Variants in HACD2 observed in about 807,000 individuals in gnomAD.
The protein encoded by HACD2 is very-long-chain (3R)-3-hydroxyacyl-CoA dehydratase 2.
In HACD2, 15 loss-of-function variants were observed where a neutral mutation model predicts 31.0. The observed-to-expected ratio is 0.48, with a 90% CI of 0.32 to 0.75. The LOEUF is 0.75. Ranked by LOEUF, HACD2 falls within the 30% of genes least tolerant of loss-of-function variation. HACD2 has a pLI of 0.03. For missense variants in HACD2, 283 were observed against 313.0 expected, an observed-to-expected ratio of 0.90 and a Z score of 0.72; for synonymous variants, 115 against 122.2, an observed-to-expected ratio of 0.94 and a Z score of 0.39.
intron 3 of HACD2, among the ~76,000 whole-genome samples, chr3:123,541,184 T>A (rs1475261641): frequency 6.6e-6 from 1 of 152,082 alleles, no homozygotes; most frequent in East Asian, 1.9e-4. Context: ...GGCAGGAGAA[T>A]TGCTTGAGCC....
At chr3:123,574,475 T>C (rs796856051) in intron 2 of HACD2, among the ~76,000 whole-genome samples, 6 of 152,356 alleles carry the variant, frequency 3.9e-5, no homozygotes, top group African/African-American at 1.4e-4. Context: ...ATTTTTACTA[T>C]ACTCTATTAT....
At chr3:123,527,785 G>T (rs753191931) in intron 4 of HACD2, among the ~76,000 whole-genome samples, 1 of 152,224 alleles carries the variant, frequency 6.6e-6, no homozygotes, top group South Asian at 2.1e-4. Flanking sequence ...TGCGGCCACA[G>T]GGCATGATAA....
intron 3 of HACD2, among the ~76,000 whole-genome samples, chr3:123,561,081 G>C (rs989458770): frequency 3.3e-5 from 5 of 151,828 alleles, no homozygotes; most frequent in African/African-American, 4.8e-5. Context: ...TCAAAGTAGC[G>C]GGGGGGCAGA....
chr3:123,540,979 A>G (rs946668340), intron 3 of HACD2, among the ~76,000 whole-genome samples: 1 of 152,210 alleles, frequency 6.6e-6, no homozygotes, highest in Non-Finnish European at 1.5e-5. Flanking sequence ...TTTTTCAAAA[A>G]GCTAAACCCA....
At chr3:123,521,077 T>C (rs1050842841) in intron 4 of HACD2, among the ~76,000 whole-genome samples, 4 of 152,156 alleles carry the variant, frequency 2.6e-5, no homozygotes, top group Non-Finnish European at 5.9e-5. Flanking sequence ...GTAGCATCAA[T>C]ACATATGTTA....
intron 2 of HACD2, among the ~76,000 whole-genome samples, chr3:123,569,763 G>A (rs367867430): frequency 6.6e-6 from 1 of 152,044 alleles, no homozygotes. Flanking sequence ...CGAGGCAGGC[G>A]GATGACCTGA....
intron 3 of HACD2, among the ~76,000 whole-genome samples, chr3:123,546,661 A>G (rs2056563182): frequency 6.6e-6 from 1 of 152,224 alleles, no homozygotes; most frequent in African/African-American, 2.4e-5. Flanking sequence ...TATAGGAAAA[A>G]TAAATCCCTA....
At chr3:123,518,417 T>C (rs970720348) in intron 4 of HACD2, among the ~76,000 whole-genome samples, 1 of 152,228 alleles carries the variant, frequency 6.6e-6, no homozygotes, top group African/African-American at 2.4e-5. Flanking sequence ...TAAAATCCTG[T>C]GGGACAGACC....
At chr3:123,537,592 C>T (rs1237963309) in intron 3 of HACD2, among the ~76,000 whole-genome samples, 2 of 151,374 alleles carry the variant, frequency 1.3e-5, no homozygotes, top group East Asian at 3.9e-4. Flanking sequence ...CATACACACA[C>T]ACACACACAC....
intron 3 of HACD2, among the ~76,000 whole-genome samples, chr3:123,530,317 A>C (rs574774191): frequency 6.6e-6 from 1 of 151,926 alleles, no homozygotes; most frequent in Non-Finnish European, 1.5e-5. Flanking sequence ...TGACGCCATC[A>C]TATCTCTCAC....
chr3:123,506,071 G>C (rs1231257676), intron 4 of HACD2, among the ~76,000 whole-genome samples: 1 of 152,250 alleles, frequency 6.6e-6, no homozygotes, highest in Non-Finnish European at 1.5e-5. Context: ...GGCAAGGCGT[G>C]AAACGCTGGC....
chr3:123,580,544 G>C (rs1052222994), intron 2 of HACD2, among the ~76,000 whole-genome samples: 1 of 152,152 alleles, frequency 6.6e-6, no homozygotes. Context: ...AGTGCTTTGG[G>C]AGGCTGAGAT....
chr3:123,516,448 A>G (rs2056138768), intron 4 of HACD2, among the ~76,000 whole-genome samples: 1 of 151,890 alleles, frequency 6.6e-6, no homozygotes, highest in Non-Finnish European at 1.5e-5. Flanking sequence ...GTTAGCCAGG[A>G]TGGTCTCGAT....
At chr3:123,549,497 C>T (rs1452427178) in intron 3 of HACD2, among the ~76,000 whole-genome samples, 5 of 152,144 alleles carry the variant, frequency 3.3e-5, no homozygotes, top group African/African-American at 1.2e-4. Flanking sequence ...TCTGTAATCC[C>T]AGCACTTTGG....
At position 123,502,688 on chromosome 3, in the gene HACD2, GA is replaced by G; in HGVS notation, c.382-8del. On this transcript the variant is annotated splice_region_variant and splice_polypyrimidine_tract_variant and intron_variant, in intron 4 of 6. Transcript: ENST00000383657. ...CACTGTCTTCACTCTGTACCTGAAG[GA>G]AGAGGAAAACAAAAGAAAAAAAACA... 1 of 1,593,428 alleles carries G rather than the reference GA, an allele frequency of 6.3e-7. No individual in the cohort carries two copies. The highest frequency in any genetic ancestry group is 8.6e-7 in the Non-Finnish European group (1 of 1,169,390).
At chr3:123,537,551 G>T (rs1218586666) in intron 3 of HACD2, among the ~76,000 whole-genome samples, 1 of 149,940 alleles carries the variant, frequency 6.7e-6, no homozygotes, top group Non-Finnish European at 1.5e-5. Flanking sequence ...GAATGACAGT[G>T]AGACCCTATC....
chr3:123,575,071 T>C (rs894860769), intron 2 of HACD2, among the ~76,000 whole-genome samples: 3 of 152,074 alleles, frequency 2.0e-5, no homozygotes, highest in Non-Finnish European at 4.4e-5. Flanking sequence ...ACTAGCCATA[T>C]GTGCCTATTT....
At chr3:123,512,631 AG>A (rs951467560) in intron 4 of HACD2, among the ~76,000 whole-genome samples, 26 of 152,328 alleles carry the variant, frequency 1.7e-4, no homozygotes, top group South Asian at 1.7e-3. Flanking sequence ...TGGAGCAAAC[AG>A]GCAAACTGAG....
chr3:123,502,705 A>G lies in HACD2; in HGVS notation c.382-24T>C, dbSNP rs1460870482. 1.3e-5 allele frequency: 20 copies of G among 1,575,654 alleles called. 1 individual carries two copies. The highest frequency in any genetic ancestry group is 1.6e-5 in the Non-Finnish European group (18 of 1,160,290). On this transcript the variant is annotated intron_variant, in intron 4 of 6. Coordinates refer to ENST00000383657, the MANE Select transcript of HACD2 (RefSeq NM_198402.5). ...ACCTGAAGGAAGAGGAAAACAAAAG[A>G]AAAAAAACACACAGACAACGTTAAT...
Sources: gnomAD v4.1 joint callset for allele counts (sites outside exome capture counted in the v4.1 genomes callset) on GRCh38, gnomAD v4.1.1 for gene constraint, MANE v1.5 for transcripts, NCBI Gene and HGNC (gene_info 2026-07-23, HGNC 2026-07-21) for gene names.